The following RNF123 variants were observed in gnomAD, a reference collection of about 807,000 sequenced individuals.
RNF123 encodes ring finger protein 123.
In RNF123, 86 loss-of-function variants were observed where a neutral mutation model predicts 168.5. The ratio of observed to expected loss-of-function variants is 0.51; its 90% CI spans 0.43 to 0.61. The LOEUF (loss-of-function observed/expected upper bound fraction) is 0.61, where lower values mean the gene tolerates loss of function less well. Among genes scored for constraint, RNF123 ranks in the 20% least tolerant of loss-of-function variants. RNF123 has a pLI of 0.00. For missense variants in RNF123, 1,419 were observed against 1,729.7 expected (o/e 0.82, Z 3.19); for synonymous variants, 666 against 689.1 (o/e 0.97, Z 0.52).
At chr3:49,704,790 T>A (rs1486604572) in intron 22 of RNF123, 34 bp downstream of exon 22, 1 of 1,538,654 alleles carries the variant, frequency 6.5e-7, no homozygotes, top group East Asian at 2.4e-5. Flanking sequence ...GGGATTTGTG[T>A]TGGGCTTATC....
intron 35 of RNF123, chr3:49,717,630 G>T: frequency 4.5e-6 from 2 of 446,374 alleles, no homozygotes; most frequent in South Asian, 4.8e-5. Context: ...GTGCTGTGTT[G>T]AAAGCCACAG....
chr3:49,721,123 CTTGGTGG>C lies in RNF123; in HGVS notation c.3824+20_3824+26del, dbSNP rs2080395850. The C allele has an allele frequency of 6.2e-7, 1 of 1,613,758 alleles. No homozygotes were observed. Among genetic ancestry groups the C allele is most frequent in the Non-Finnish European group, 8.5e-7 (1 of 1,179,814 alleles). On this transcript the variant is annotated intron_variant, in intron 38 of 38. Transcript: ENST00000327697. Reference sequence around the variant, plus strand: ...TCCTGCAAGTAAGTGGGCCCCACAGCTTGGTGGTGGGGAGAGCAGTAGGTACATGCAG... The same window carrying C: ...TCCTGCAAGTAAGTGGGCCCCACAGCTGGGGAGAGCAGTAGGTACATGCAG...
In RNF123 at chr3:49,702,134, A is replaced by G; in HGVS notation, c.1547A>G (p.Asp516Gly). The change falls in exon 18 of 39, where the codon GAT (aspartate) becomes GGT (glycine). Residue 516 changes from aspartate to glycine, a missense_variant. Transcript: ENST00000327697. ...CTGAAGCTGCTGCTGGACAATAAAG[A>G]TGACAATGGGGTGAGTGACTCCCAG... The part of the protein sequence containing the change: ...QILKLLLDNK[D>G]DNGGEASRYI... 6.2e-7 allele frequency: 1 copy of G among 1,614,084 alleles called. No individual in the cohort carries two copies. Among genetic ancestry groups the G allele is most frequent in the African/African-American group, 1.3e-5 (1 of 75,040 alleles).
chr3:49,720,621 C>T lies in RNF123; in HGVS notation c.3611C>T (p.Ala1204Val). 6.2e-7 allele frequency: 1 copy of T among 1,604,506 alleles called. No individual in the cohort carries two copies. The highest frequency in any genetic ancestry group is 8.5e-7 in the Non-Finnish European group (1 of 1,173,482). The change falls in exon 36 of 39, where the codon GCC becomes GTC. Residue 1204 changes from alanine (A) to valine (V), a missense_variant. By Grantham distance (64) the Ala-to-Val change is moderately conservative. Transcript: ENST00000327697. ...CCAGCACCTGGCACTGCTCTGCCAG[C>T]CCCTGACCGGAAGCGCTTCTCCCTG... Reference protein sequence around the residue: ...EPPAPGTALPAPDRKRFSLQS... With the variant: ...EPPAPGTALPVPDRKRFSLQS...
intron 5 of RNF123, 73 bp downstream of exon 5, chr3:49,697,530 C>G: frequency 8.2e-7 from 1 of 1,226,076 alleles, no homozygotes; most frequent in Non-Finnish European, 1.1e-6. Flanking sequence ...CCTGATGTGG[C>G]CCTAGTCTCT....
At position 49,691,421 on chromosome 3, in the gene RNF123, T is replaced by C. The variant is rs746652362; in HGVS notation, c.83-4T>C. On this transcript the variant is annotated splice_polypyrimidine_tract_variant and splice_region_variant and intron_variant, in intron 2 of 38. Transcript: ENST00000327697. ...CCTTTTCTCCCTTCTGACTTGTGGC[T>C]CAGGCATTGTGCAGGAGAAGCTGCT... is the stretch of plus-strand genomic sequence containing the variant. The C allele has an allele frequency of 6.2e-7, 1 of 1,614,172 alleles. No individual in the cohort carries two copies. Among genetic ancestry groups the C allele is most frequent in the Non-Finnish European group, 8.5e-7 (1 of 1,179,974 alleles).
At position 49,721,438 on chromosome 3, in the gene RNF123, C is replaced by T; in HGVS notation, c.*133C>T. The T allele has an allele frequency of 1.6e-6, 2 of 1,251,286 alleles. No homozygotes were observed. Among genetic ancestry groups the T allele is most frequent in the Non-Finnish European group, 2.3e-6 (2 of 852,302 alleles). The allele number at this position is 1,251,286 out of a possible 1,614,324, so 77.5% of individuals were successfully genotyped here. A position where few individuals can be genotyped will look rare whatever the true frequency, so the allele number is the denominator to read the frequency against. On this transcript the variant is annotated 3_prime_UTR_variant, in exon 39 of 39. Transcript: ENST00000327697. ...TCCAACCTCCTTGCCTGCCTGTATC[C>T]TCATTGGTGGGAGCCCAGCCATGGC... is the stretch of plus-strand genomic sequence containing the variant.
Position 49,699,445 on chromosome 3 carries a change from C to T in RNF123, c.765-23C>T, listed in dbSNP as rs765244865. ...AGGCATGTCTGAGCCACAGATAAGG[C>T]GTTGCTGGCTTAACTCTGGCACCTA... On this transcript the variant is annotated intron_variant, in intron 10 of 38. Coordinates refer to ENST00000327697, the MANE Select transcript of RNF123 (RefSeq NM_022064.5). The surrounding 1 kb of genome is among the most constrained non-coding windows in gnomAD (Gnocchi z 4.8). 2.2e-5 allele frequency: 34 copies of T among 1,555,040 alleles called. No individual in the cohort carries two copies. The highest frequency in any genetic ancestry group is 2.5e-5 in the Non-Finnish European group (28 of 1,142,666).
Position 49,699,386 on chromosome 3 carries a change from C to A in RNF123, c.765-82C>A. On this transcript the variant is annotated intron_variant, in intron 10 of 38. Transcript: ENST00000327697. This position sits in a 1 kb window ranked among gnomAD's most constrained non-coding sequence, Gnocchi z 4.8. ...AACCAGCCCTGCCCTAGAGCCCAGG[C>A]CCCGGGGTGGGGGGTGGGCAGTGGA... is the stretch of plus-strand genomic sequence containing the variant. The A allele has an allele frequency of 7.8e-7, 1 of 1,275,562 alleles. No individual in the cohort carries two copies. Among genetic ancestry groups the A allele is most frequent in the Non-Finnish European group, 1.1e-6 (1 of 905,690 alleles). 79.0% of individuals were successfully genotyped at this position (1,275,562 alleles called of 1,614,324 possible). A position where few individuals can be genotyped will look rare whatever the true frequency, so the allele number is the denominator to read the frequency against.
At chr3:49,695,758 C>G (rs1283592236) in intron 3 of RNF123, among the ~76,000 whole-genome samples, 1 of 152,184 alleles carries the variant, frequency 6.6e-6, no homozygotes, top group African/African-American at 2.4e-5. Flanking sequence ...CTGTGGGCAG[C>G]CAGGTGTGTA....
chr3:49,714,924 A>G (rs140195661), intron 31 of RNF123, among the ~76,000 whole-genome samples: 190 of 152,362 alleles, frequency 1.2e-3, no homozygotes, highest in African/African-American at 4.4e-3. Context: ...GTCCTTGCCA[A>G]TTGCCGTGGT....
At chr3:49,708,806 A>T (rs750548184) in intron 26 of RNF123, among the ~76,000 whole-genome samples, 1 of 152,074 alleles carries the variant, frequency 6.6e-6, no homozygotes, top group African/African-American at 2.4e-5. Context: ...GCTGATGGAC[A>T]CTCGGGTTGC....
In RNF123 at chr3:49,697,867, C is replaced by T. The variant is rs748678539; in HGVS notation, c.343-18C>T. On this transcript the variant is annotated intron_variant, in intron 5 of 38. Coordinates refer to ENST00000327697, the MANE Select transcript of RNF123 (RefSeq NM_022064.5). Reference sequence around the variant, plus strand: ...TGTGTGCCTGGGAGCTAGCCCACCACCCCTCTTCTTCACCCAGGTGATTGG... The same window carrying T: ...TGTGTGCCTGGGAGCTAGCCCACCATCCCTCTTCTTCACCCAGGTGATTGG... The T allele has an allele frequency of 5.0e-6, 8 of 1,614,000 alleles. No individual in the cohort carries two copies. In the East Asian group the frequency reaches 8.9e-5, roughly 18 times the overall value.
At chr3:49,714,441 G>T (rs886137224) in intron 31 of RNF123, among the ~76,000 whole-genome samples, 4 of 152,334 alleles carry the variant, frequency 2.6e-5, no homozygotes, top group Admixed American at 2.0e-4. Context: ...GTGGGTCATG[G>T]TGAGAGGCGG....
At chr3:49,719,892 A>AAAG (rs1430928004) in intron 35 of RNF123, 7 of 191,286 alleles carry the variant, frequency 3.7e-5, no homozygotes, top group African/African-American at 1.7e-4. Flanking sequence ...TCGGGGAGTA[A>AAAG]AAGGGGGAGT....
chr3:49,709,130 A>ATT (rs559457658), intron 26 of RNF123, among the ~76,000 whole-genome samples: 10 of 110,704 alleles, frequency 9.0e-5, no homozygotes, highest in African/African-American at 3.3e-4. Flanking sequence ...AATTTTTGTG[A>ATT]TTTTTTTTTT....
At chr3:49,697,658 C>T (rs1348975301) in intron 5 of RNF123, among the ~76,000 whole-genome samples, 5 of 152,198 alleles carry the variant, frequency 3.3e-5, no homozygotes, top group Admixed American at 3.3e-4. Context: ...TGGACTCAGC[C>T]CCCAGCCCTT....
At chr3:49,705,279 C>T in intron 23 of RNF123, 97 bp downstream of exon 23, 2 of 1,417,770 alleles carry the variant, frequency 1.4e-6, no homozygotes, top group South Asian at 2.7e-5. Flanking sequence ...CATGCCCTCC[C>T]AGCCCTGTGG....
In RNF123 at chr3:49,715,707, T is replaced by A. The variant is rs2080228491; in HGVS notation, c.3143T>A (p.Ile1048Asn). ...NWAFSEFIGM[I>N]QEIQQAAERL... ...GCCTTCTCTGAATTCATTGGCATGA[T>A]CCAAGAGGTGGGCTGTGGTGGGGCC... The change falls in exon 32 of 39, where the codon ATC (isoleucine) becomes AAC (asparagine). Residue 1048 changes from isoleucine (I) to asparagine (N), a missense_variant. This residue lies in a region of RNF123 where 538 missense variants were observed against 708.8 expected (regional missense o/e 0.76). Coordinates refer to ENST00000327697, the MANE Select transcript of RNF123 (RefSeq NM_022064.5). 1.9e-6 allele frequency: 3 copies of A among 1,614,242 alleles called. No homozygotes were observed. Among genetic ancestry groups the A allele is most frequent in the Non-Finnish European group, 2.5e-6 (3 of 1,180,036 alleles).
Sources: allele counts gnomAD v4.1 joint callset (sites outside exome capture counted in the v4.1 genomes callset), GRCh38; gene constraint gnomAD v4.1.1; regional missense constraint gnomAD v4.1.1; non-coding constraint Gnocchi (gnomAD v3.1); transcripts MANE v1.5; gene names NCBI Gene and HGNC (gene_info 2026-07-23, HGNC 2026-07-21).